Variants in ASTN2 observed in about 807,000 individuals in gnomAD.
The protein encoded by ASTN2 is astrotactin-2.
Under a neutral mutation model 139.8 loss-of-function variants are expected in ASTN2, and 54 were observed. That is an observed-to-expected ratio of 0.39 (90% CI 0.31 to 0.48). ASTN2 has a LOEUF of 0.48. Among genes scored for constraint, ASTN2 ranks in the 20% least tolerant of loss-of-function variants. The probability of loss-of-function intolerance (pLI) is 0.95; values close to 1 mark genes in which losing one functional copy is unlikely to be tolerated. For missense variants in ASTN2, 1,565 were observed against 1,725.1 expected, an observed-to-expected ratio of 0.91 and a Z score of 1.64; for synonymous variants, 756 against 719.5, an observed-to-expected ratio of 1.05 and a Z score of -0.81.
chr9:117,255,857 G>A (rs1228690723), intron 2 of ASTN2, among the ~76,000 whole-genome samples: 1 of 152,124 alleles, frequency 6.6e-6, no homozygotes, highest in Admixed American at 6.5e-5. Flanking sequence ...CCACAATGAA[G>A]GGCATGTTGG....
chr9:116,946,233 C>G (rs1835390440), intron 10 of ASTN2, among the ~76,000 whole-genome samples: 1 of 152,170 alleles, frequency 6.6e-6, no homozygotes, highest in East Asian at 1.9e-4. Context: ...CTTTAGAAAG[C>G]CTTTTATGAA....
Position 116,614,186 on chromosome 9 carries a change from C to T in ASTN2, c.3355+4138G>A, listed in dbSNP as rs147500295. 5.9e-5 allele frequency among the ~76,000 whole-genome samples: 9 copies of T among 152,076 alleles called. No homozygotes were observed. In the South Asian group the frequency reaches 8.3e-4, roughly 14 times the overall value. On this transcript the variant is annotated intron_variant, in intron 19 of 22. Transcript: ENST00000313400. ...ACAAGGGATGTGAAGGACCTCTTCA[C>T]GAAGAACTACAAACCACTGCTCAAC...
chr9:117,396,918 A>G (rs1830692074), intron 1 of ASTN2, among the ~76,000 whole-genome samples: 1 of 148,408 alleles, frequency 6.7e-6, no homozygotes, highest in Non-Finnish European at 1.5e-5. Flanking sequence ...CATCATGGAG[A>G]ATGGGGTATC....
At position 116,805,817 on chromosome 9, in the gene ASTN2, G is replaced by A. The variant is rs751552541; in HGVS notation, c.2211C>T (p.Cys737=). The A allele has an allele frequency of 1.9e-5, 31 of 1,613,078 alleles. No individual in the cohort carries two copies. The highest frequency in any genetic ancestry group is 6.6e-5 in the South Asian group (6 of 90,956). The change falls in exon 13 of 23, where the codon TGC becomes TGT. Residue 737 remains cysteine, a synonymous_variant. Coordinates refer to ENST00000313400, the MANE Select transcript of ASTN2 (RefSeq NM_001365068.1). ...CAGGAGCCAGTTTGTACTCCTCCACGCAACTGTATGATAAAACAGAGCTCA... is the reference window on the plus strand; with the variant it reads ...CAGGAGCCAGTTTGTACTCCTCCACACAACTGTATGATAAAACAGAGCTCA... ...TSSTIFMFCG[C]VEEYKLAPDG...
chr9:116,775,528 A>G (rs1261303549), intron 13 of ASTN2, among the ~76,000 whole-genome samples: 1 of 103,868 alleles, frequency 9.6e-6, no homozygotes, highest in Admixed American at 1.0e-4. Flanking sequence ...GAAGGAAAAG[A>G]AAGGGGGCAG....
chr9:117,124,808 GAAAAA>G (rs56107557), intron 4 of ASTN2, among the ~76,000 whole-genome samples: 2 of 130,052 alleles, frequency 1.5e-5, no homozygotes, highest in African/African-American at 5.8e-5. Context: ...CTGCCACCAT[GAAAAA>G]AAAAAAAAAA....
At chr9:116,500,234 T>C (rs1447044400) in intron 19 of ASTN2, among the ~76,000 whole-genome samples, 4 of 152,168 alleles carry the variant, frequency 2.6e-5, no homozygotes, top group African/African-American at 4.8e-5. Flanking sequence ...AAACCCTTTT[T>C]AGTTTACAAT....
chr9:116,580,990 G>A (rs1853925938), intron 19 of ASTN2, among the ~76,000 whole-genome samples: 1 of 152,142 alleles, frequency 6.6e-6, no homozygotes, highest in Non-Finnish European at 1.5e-5. Flanking sequence ...TTCTGGGAGT[G>A]GAGCAATTAC....
At chr9:116,759,390 G>T (rs553017008) in intron 13 of ASTN2, among the ~76,000 whole-genome samples, 2 of 152,128 alleles carry the variant, frequency 1.3e-5, no homozygotes, top group African/African-American at 4.8e-5. Flanking sequence ...ATACATAACC[G>T]ATTGTTCGCA....
intron 10 of ASTN2, among the ~76,000 whole-genome samples, chr9:116,933,529 C>T (rs555346584): frequency 1.3e-5 from 2 of 152,162 alleles, no homozygotes; most frequent in South Asian, 4.2e-4. Context: ...AGGAATTAAA[C>T]TACAGCATTC....
intron 20 of ASTN2, among the ~76,000 whole-genome samples, chr9:116,481,067 C>A (rs1462303114): frequency 6.6e-6 from 1 of 152,108 alleles, no homozygotes; most frequent in Admixed American, 6.6e-5. Context: ...TGAAATAGAT[C>A]CTATTATGAT....
At chr9:116,656,639 T>G (rs1858229183) in intron 16 of ASTN2, among the ~76,000 whole-genome samples, 1 of 150,896 alleles carries the variant, frequency 6.6e-6, no homozygotes, top group African/African-American at 2.4e-5. Context: ...GAACTCTCTT[T>G]TTTCTCCTCC....
intron 10 of ASTN2, among the ~76,000 whole-genome samples, chr9:116,892,364 G>C (rs1296186684): frequency 6.6e-6 from 1 of 152,194 alleles, no homozygotes; most frequent in Non-Finnish European, 1.5e-5. Flanking sequence ...CAAATTGACA[G>C]AGTCTTAGCT....
intron 10 of ASTN2, among the ~76,000 whole-genome samples, chr9:116,896,125 G>T (rs1010005257): frequency 2.0e-5 from 3 of 152,140 alleles, no homozygotes; most frequent in Non-Finnish European, 4.4e-5. Context: ...CTGGAATATA[G>T]ATGAAATCTT....
intron 5 of ASTN2, among the ~76,000 whole-genome samples, chr9:117,083,360 C>T (rs1321047068): frequency 6.6e-6 from 1 of 152,160 alleles, no homozygotes; most frequent in African/African-American, 2.4e-5. Context: ...CACAAAAACC[C>T]TGTGAGATAG....
intron 1 of ASTN2, among the ~76,000 whole-genome samples, chr9:117,381,899 T>A (rs908654338): frequency 6.6e-6 from 1 of 152,140 alleles, no homozygotes; most frequent in Admixed American, 6.5e-5. Context: ...AAGGATAGTG[T>A]TCTGGTCACA....
At chr9:116,601,570 T>C (rs1854901957) in intron 19 of ASTN2, among the ~76,000 whole-genome samples, 1 of 152,072 alleles carries the variant, frequency 6.6e-6, no homozygotes. Context: ...AGGACCCGAT[T>C]TGAGAGATAA....
At chr9:116,702,335 A>C (rs1028936213) in intron 16 of ASTN2, among the ~76,000 whole-genome samples, 1 of 152,112 alleles carries the variant, frequency 6.6e-6, no homozygotes, top group African/African-American at 2.4e-5. Context: ...TGGTCCAACC[A>C]TGCTAAACAG....
At chr9:116,620,520 G>A in intron 17 of ASTN2, 77 bp from the exon 18 acceptor site, 1 of 1,570,746 alleles carries the variant, frequency 6.4e-7, no homozygotes, top group South Asian at 1.1e-5. Flanking sequence ...TGATGGCCAT[G>A]ATGTGAGCCA....
Sources: allele counts gnomAD v4.1 joint callset (sites outside exome capture counted in the v4.1 genomes callset), GRCh38; gene constraint gnomAD v4.1.1; transcripts MANE v1.5; gene names NCBI Gene and HGNC (gene_info 2026-07-23, HGNC 2026-07-21).